The following MYO1E variants were observed in gnomAD, a reference collection of about 807,000 sequenced individuals.
The protein encoded by MYO1E is unconventional myosin-Ie.
A neutral mutation model predicts 151.1 loss-of-function variants in MYO1E; 68 were observed. That is an observed-to-expected ratio of 0.45 (90% confidence interval 0.37 to 0.55). The LOEUF (loss-of-function observed/expected upper bound fraction) is 0.55. Among genes scored for constraint, MYO1E ranks in the 20% least tolerant of loss-of-function variants. The pLI, the probability that MYO1E is intolerant of heterozygous loss-of-function variation, is 0.00. For synonymous variants in MYO1E, 601 were observed against 501.7 expected (o/e 1.20, Z -2.64); for missense variants, 1,363 against 1,389.3 (o/e 0.98, Z 0.30).
intron 1 of MYO1E, among the ~76,000 whole-genome samples, chr15:59,365,346 G>T (rs746977205): frequency 6.6e-6 from 1 of 152,108 alleles, no homozygotes; most frequent in African/African-American, 2.4e-5. Flanking sequence ...TTATAATGAA[G>T]TTAGTACAGT....
chr15:59,359,720 G>A (rs2080875095), intron 1 of MYO1E: 1 of 152,232 alleles, frequency 6.6e-6, no homozygotes, highest in Admixed American at 6.5e-5. Context: ...GGACTGTAGG[G>A]TGGGGAACCA....
intron 16 of MYO1E, among the ~76,000 whole-genome samples, chr15:59,196,622 T>C (rs1416963812): frequency 1.3e-5 from 2 of 152,216 alleles, no homozygotes; most frequent in African/African-American, 4.8e-5. Context: ...TTGGGAAATC[T>C]GAAACCCTTG....
intron 16 of MYO1E, among the ~76,000 whole-genome samples, chr15:59,196,905 G>C (rs1375863757): frequency 1.3e-5 from 2 of 148,734 alleles, no homozygotes; most frequent in African/African-American, 4.9e-5. Flanking sequence ...ATATAGCACA[G>C]CTTTTTTTTG....
At chr15:59,172,115 C>T (rs1287973470) in intron 21 of MYO1E, 73 bp from the exon 22 acceptor site, 34 of 1,425,652 alleles carry the variant, frequency 2.4e-5, no homozygotes, top group South Asian at 8.9e-5. Flanking sequence ...CCAGTACTTT[C>T]GGAGGCCGAG....
Position 59,208,561 on chromosome 15 carries a change from A to G in MYO1E, c.1530+120T>C, listed in dbSNP as rs1221094892. ...TTTGTTTTGCTTCCTTTGATAGTTA[A>G]TAAATTCCGTTTGTTGAATCAATAA... On this transcript the variant is annotated intron_variant, in intron 14 of 27. Transcript: ENST00000288235. 15 of 1,266,036 alleles carry G rather than the reference A, an allele frequency of 1.2e-5. 1 individual carries two copies. The highest frequency in any genetic ancestry group is 2.4e-5 in the South Asian group (2 of 82,350). 78.4% of individuals were successfully genotyped at this position (1,266,036 alleles called of 1,614,324 possible). A position where few individuals can be genotyped will look rare whatever the true frequency, so the allele number is the denominator to read the frequency against.
At chr15:59,296,991 T>C (rs146791556) in intron 1 of MYO1E, among the ~76,000 whole-genome samples, 45,405 of 75,342 alleles carry the variant, frequency 0.6, 15,964 homozygotes, top group South Asian at 0.81. Flanking sequence ...AGGCGCCCGC[T>C]ACCACGCCCG....
intron 19 of MYO1E, among the ~76,000 whole-genome samples, chr15:59,175,044 TTC>T (rs2079616714): frequency 6.6e-6 from 1 of 152,096 alleles, no homozygotes; most frequent in Non-Finnish European, 1.5e-5. Context: ...CCTAGATGAT[TTC>T]CACACAGTTT....
intron 1 of MYO1E, among the ~76,000 whole-genome samples, chr15:59,304,948 T>C (rs946477639): frequency 2.0e-5 from 3 of 152,366 alleles, no homozygotes; most frequent in Admixed American, 6.5e-5. Context: ...CTATTTACCA[T>C]GGTTTCACCA....
chr15:59,177,855 T>A (rs2079634163), intron 19 of MYO1E, among the ~76,000 whole-genome samples: 2 of 152,214 alleles, frequency 1.3e-5, no homozygotes, highest in Admixed American at 1.3e-4. Flanking sequence ...CACAGTCCTT[T>A]CTAGGCTCCC....
At chr15:59,244,807 T>C (rs554356527) in intron 4 of MYO1E, among the ~76,000 whole-genome samples, 1 of 152,136 alleles carries the variant, frequency 6.6e-6, no homozygotes, top group South Asian at 2.1e-4. Flanking sequence ...AGATGAAAAA[T>C]GATACAATTA....
chr15:59,162,839 C>A (rs1256307514), intron 23 of MYO1E, among the ~76,000 whole-genome samples: 1 of 152,098 alleles, frequency 6.6e-6, no homozygotes, highest in East Asian at 1.9e-4. Context: ...CCTGTCTGCT[C>A]TCCTAAATTA....
At chr15:59,325,693 G>C (rs2080659307) in intron 1 of MYO1E, among the ~76,000 whole-genome samples, 1 of 152,098 alleles carries the variant, frequency 6.6e-6, no homozygotes. Context: ...AATTAGTTAA[G>C]ATTAAACCAT....
intron 2 of MYO1E, among the ~76,000 whole-genome samples, chr15:59,267,586 G>A (rs546246859): frequency 1.3e-5 from 2 of 152,198 alleles, no homozygotes; most frequent in East Asian, 1.9e-4. Context: ...GAAATCTAGT[G>A]GGTCTGGCAC....
intron 1 of MYO1E, among the ~76,000 whole-genome samples, chr15:59,338,281 T>G (rs2080742017): frequency 6.8e-6 from 1 of 146,776 alleles, no homozygotes; most frequent in Non-Finnish European, 1.5e-5. Flanking sequence ...AGATCAGTAT[T>G]GACTTTTTTT....
intron 9 of MYO1E, among the ~76,000 whole-genome samples, chr15:59,218,613 G>A (rs531516561): frequency 1.3e-5 from 2 of 152,266 alleles, no homozygotes; most frequent in East Asian, 3.9e-4. Flanking sequence ...TAAAGAGAGA[G>A]GAAAAGATAG....
At chr15:59,207,635 A>C in intron 14 of MYO1E, 1 of 1,614,176 alleles carries the variant, frequency 6.2e-7, no homozygotes, top group South Asian at 1.1e-5. Flanking sequence ...ATCCATTCTG[A>C]AAGCTGCCAT....
rs555090169 is a variant in MYO1E at position 59,207,032 on chromosome 15, G to A, written c.1531-1547C>T. 2.1e-5 allele frequency: 34 copies of A among 1,614,128 alleles called. No individual in the cohort carries two copies. The South Asian group carries it at 3.4e-4, about 16-fold the overall frequency. On this transcript the variant is annotated intron_variant, in intron 14 of 27. Coordinates refer to ENST00000288235, the MANE Select transcript of MYO1E (RefSeq NM_004998.4). ...TGCCTGGGGATGGCCCTGTGTCCGCGTCAAGCAACGCGCATCCCGCTCAAC... is the reference window on the plus strand; with the variant it reads ...TGCCTGGGGATGGCCCTGTGTCCGCATCAAGCAACGCGCATCCCGCTCAAC...
chr15:59,268,695 G>T (rs1025943964), intron 2 of MYO1E, among the ~76,000 whole-genome samples: 4 of 66,408 alleles, frequency 6.0e-5, no homozygotes, highest in Non-Finnish European at 1.5e-4. Context: ...CTAACCTTTG[G>T]TGATGGGTTC....
chr15:59,307,542 G>A (rs1311576470), intron 1 of MYO1E, among the ~76,000 whole-genome samples: 1 of 152,174 alleles, frequency 6.6e-6, no homozygotes, highest in African/African-American at 2.4e-5. Context: ...TAGACTCTAA[G>A]ACCCCTAATC....
Sources: allele counts gnomAD v4.1 joint callset (sites outside exome capture counted in the v4.1 genomes callset), GRCh38; gene constraint gnomAD v4.1.1; transcripts MANE v1.5; gene names NCBI Gene and HGNC (gene_info 2026-07-23, HGNC 2026-07-21).